The following MYB variants were observed in gnomAD, a reference collection of about 807,000 sequenced individuals.
MYB encodes MYB proto-oncogene, transcription factor.
In MYB, 28 loss-of-function variants were observed where a neutral mutation model predicts 92.9. The observed-to-expected ratio is 0.30, with a 90% CI of 0.22 to 0.41. MYB has a LOEUF of 0.41. Among genes scored for constraint, MYB ranks in the 10% least tolerant of loss-of-function variants. MYB has a pLI of 1.00. For missense variants in MYB, 679 were observed against 929.3 expected, an observed-to-expected ratio of 0.73 and a Z score of 3.50; for synonymous variants, 295 against 329.1, an observed-to-expected ratio of 0.90 and a Z score of 1.12.
intron 15 of MYB, among the ~76,000 whole-genome samples, chr6:135,214,738 T>G (rs1780201625): frequency 6.6e-6 from 1 of 152,194 alleles, no homozygotes; most frequent in Non-Finnish European, 1.5e-5. Flanking sequence ...AAAGATAACA[T>G]TAAATTTTGT....
At chr6:135,183,801 G>A (rs1164579967) in intron 1 of MYB, among the ~76,000 whole-genome samples, 1 of 152,178 alleles carries the variant, frequency 6.6e-6, no homozygotes, top group Non-Finnish European at 1.5e-5. Context: ...CTTTGCCTCT[G>A]TGCTTAGCTT....
At chr6:135,191,678 T>G (rs993486553) in intron 5 of MYB, among the ~76,000 whole-genome samples, 54 of 152,240 alleles carry the variant, frequency 3.5e-4, no homozygotes, top group African/African-American at 1.3e-3. Context: ...ACTGTTTTCC[T>G]GAGAATGGAA....
rs996098911 is a variant in MYB at position 135,182,582 on chromosome 6, C to T, written c.23+1046C>T. 9.9e-5 allele frequency among the ~76,000 whole-genome samples: 15 copies of T among 151,994 alleles called. No individual in the cohort carries two copies. The highest frequency in any genetic ancestry group is 1.8e-4 in the Non-Finnish European group (12 of 67,966). ...CACGTGGATGCGGCTGAGGTCGCCG[C>T]GCCTTCTCGCACCCTCCTTCAGCCG... On this transcript the variant is annotated intron_variant, in intron 1 of 15. Transcript: ENST00000341911. The surrounding 1 kb of genome is among the most constrained non-coding windows in gnomAD (Gnocchi z 5.6).
rs747809460 is a variant in MYB at position 135,217,998 on chromosome 6, AT to A, written c.*20del. 6.4e-7 allele frequency: 1 copy of A among 1,555,872 alleles called. No individual in the cohort carries two copies. The highest frequency in any genetic ancestry group is 1.1e-5 in the South Asian group (1 of 89,912). ...TCATGTGAGACATTTCCAGAAAAGC[AT>A]TATGGTTTTCAGAACACTTCAAGTT... On this transcript the variant is annotated 3_prime_UTR_variant, in exon 16 of 16. Transcript: ENST00000341911.
intron 2 of MYB, among the ~76,000 whole-genome samples, chr6:135,187,251 G>T (rs917517040): frequency 6.6e-6 from 1 of 152,044 alleles, no homozygotes; most frequent in Non-Finnish European, 1.5e-5. Context: ...AAATCTAACT[G>T]ATTTTCTTAT....
rs374747357 is a variant in MYB, at chr6:135,203,803, A to T, written c.2169+479A>T. 4.1e-5 allele frequency: 53 copies of T among 1,290,146 alleles called. 2 individuals are homozygous for T. The highest frequency in any genetic ancestry group is 1.7e-4 in the Admixed American group (7 of 41,026). 79.9% of individuals were successfully genotyped at this position (1,290,146 alleles called of 1,614,324 possible). A position where few individuals can be genotyped will look rare whatever the true frequency, so the allele number is the denominator to read the frequency against. ...TAATTGCAATGTATTTGACTGTCAG[A>T]ATAAGAAAGTCAACTGTCAATGTTG... On this transcript the variant is annotated intron_variant, in intron 15 of 15. Transcript: ENST00000341911.
chr6:135,211,722 G>A (rs575467844), intron 15 of MYB, among the ~76,000 whole-genome samples: 14 of 152,302 alleles, frequency 9.2e-5, no homozygotes, highest in African/African-American at 3.1e-4. Context: ...ATTTGGGAAA[G>A]GTCCATCCAC....
chr6:135,198,488 C>T (rs1236894206), intron 10 of MYB, among the ~76,000 whole-genome samples: 1 of 152,020 alleles, frequency 6.6e-6, no homozygotes, highest in African/African-American at 2.4e-5. Context: ...ATAATGTAAA[C>T]CTTCTGTAAT....
intron 1 of MYB, among the ~76,000 whole-genome samples, chr6:135,184,647 T>TAGG (rs1775686829): frequency 6.6e-6 from 1 of 152,170 alleles, no homozygotes; most frequent in South Asian, 2.1e-4. Flanking sequence ...GCTTCACTTG[T>TAGG]AGGGGGCTGG....
At chr6:135,199,109 G>C in intron 11 of MYB, 59 bp downstream of exon 11, 1 of 1,345,166 alleles carries the variant, frequency 7.4e-7, no homozygotes, top group South Asian at 1.5e-5. Flanking sequence ...TTAATTAATG[G>C]AATATAGTTC....
chr6:135,197,400 TC>T, intron 10 of MYB, 77 bp downstream of exon 10: 1 of 1,253,672 alleles, frequency 8.0e-7, no homozygotes, highest in South Asian at 1.4e-5. Flanking sequence ...AACTAATACT[TC>T]GGAACAAATG....
At chr6:135,206,225 A>ATAAT (rs1436368141) in intron 15 of MYB, among the ~76,000 whole-genome samples, 9 of 96,644 alleles carry the variant, frequency 9.3e-5, no homozygotes, top group South Asian at 3.6e-4. Context: ...AAAAAAAAAA[A>ATAAT]AATAATAATA....
chr6:135,187,330 T>A (rs1027038036), intron 2 of MYB, among the ~76,000 whole-genome samples: 1 of 152,216 alleles, frequency 6.6e-6, no homozygotes, highest in East Asian at 1.9e-4. Flanking sequence ...ACTGGAAATA[T>A]TCTATTTCTT....
Position 135,216,421 on chromosome 6 carries a change from G to A in MYB, c.2170-1443G>A, listed in dbSNP as rs75739045. ...AGTCGAGGCTGTGAGTGTATTTATC[G>A]TTGGAATAATGTACATTGTACCCGT... On this transcript the variant is annotated intron_variant, in intron 15 of 15. Transcript: ENST00000341911. 4.3e-3 allele frequency among the ~76,000 whole-genome samples: 661 copies of A among 152,202 alleles called. 7 individuals carry two copies. The highest frequency in any genetic ancestry group is 0.015 in the African/African-American group (619 of 41,522).
intron 6 of MYB, among the ~76,000 whole-genome samples, chr6:135,193,210 A>T (rs1776852098): frequency 6.6e-6 from 1 of 152,220 alleles, no homozygotes; most frequent in Non-Finnish European, 1.5e-5. Flanking sequence ...AATCCATAAT[A>T]GGTGGAAAAA....
At chr6:135,192,015 G>A (rs867203515) in intron 5 of MYB, among the ~76,000 whole-genome samples, 12 of 152,112 alleles carry the variant, frequency 7.9e-5, no homozygotes, top group South Asian at 4.1e-4. Context: ...CTTGTACCGC[G>A]ACCGGTCAGA....
chr6:135,211,517 C>T (rs1257126622), intron 15 of MYB, among the ~76,000 whole-genome samples: 1 of 152,074 alleles, frequency 6.6e-6, no homozygotes, highest in African/African-American at 2.4e-5. Context: ...CTTCCTTGGG[C>T]AGGCCAGCAA....
chr6:135,198,026 AATAG>A (rs1777568614), intron 10 of MYB, among the ~76,000 whole-genome samples: 2 of 152,240 alleles, frequency 1.3e-5, no homozygotes, highest in South Asian at 2.1e-4. Context: ...TAATTAAATT[AATAG>A]ATAATTTGGC....
chr6:135,200,427 A>C lies in MYB; in HGVS notation c.1950+12A>C. 1 of 1,613,850 alleles carries C rather than the reference A, an allele frequency of 6.2e-7. No homozygotes were observed. The highest frequency in any genetic ancestry group is 8.5e-7 in the Non-Finnish European group (1 of 1,179,978). On this transcript the variant is annotated intron_variant, in intron 13 of 15. Transcript: ENST00000341911. ...AAATCAAACAAGAGGTAAACACGCA[A>C]CCCTTTGGAAGCAACAAGCTGAGAA...
Sources: gnomAD v4.1 joint callset for allele counts (sites outside exome capture counted in the v4.1 genomes callset) on GRCh38, gnomAD v4.1.1 for gene constraint, Gnocchi (gnomAD v3.1) non-coding constraint, MANE v1.5 for transcripts, NCBI Gene and HGNC (gene_info 2026-07-23, HGNC 2026-07-21) for gene names.